LPCAT2: variants seen among roughly 807,000 people sequenced by gnomAD.
The protein encoded by LPCAT2 is 1-AGP acyltransferase 11.
A neutral mutation model predicts 64.7 loss-of-function variants in LPCAT2; 58 were observed. That is an observed-to-expected ratio of 0.90 (90% confidence interval 0.73 to 1.12). The LOEUF (loss-of-function observed/expected upper bound fraction) is 1.12. LPCAT2 is among the 50% of genes most tolerant of loss of function. LPCAT2 has a pLI of 0.00. For missense variants in LPCAT2, 579 were observed against 669.8 expected (o/e 0.86, Z 1.50); for synonymous variants, 252 against 245.3 (o/e 1.03, Z -0.26).
chr16:55,544,523 A>C (rs1963431982), intron 8 of LPCAT2, among the ~76,000 whole-genome samples: 1 of 152,184 alleles, frequency 6.6e-6, no homozygotes, highest in Non-Finnish European at 1.5e-5. Flanking sequence ...TATGGGGGAA[A>C]AATTAATGAA....
Position 55,551,105 on chromosome 16 carries a change from A to G in LPCAT2, c.1215+3A>G, listed in dbSNP as rs773107149. ...AACTTTTTGCACTCTTTGACAGGGT[A>G]TGTTAAAATTTAATCTTTCACATTT... On this transcript the variant is annotated splice_donor_region_variant and intron_variant, in intron 11 of 13. Transcript: ENST00000262134. 2 of 1,604,192 alleles carry G rather than the reference A, an allele frequency of 1.2e-6. No homozygotes were observed. The highest frequency in any genetic ancestry group is 1.7e-5 in the Admixed American group (1 of 59,016).
In LPCAT2 at chr16:55,545,787, T is replaced by A. The variant is rs1489687642; in HGVS notation, c.905T>A (p.Phe302Tyr). The A allele has an allele frequency of 6.2e-6, 10 of 1,613,160 alleles. No homozygotes were observed. Among genetic ancestry groups the A allele is most frequent in the Middle Eastern group, 1.7e-4 (1 of 6,052 alleles). The change falls in exon 9 of 14, where the codon TTT becomes TAT. Residue 302 changes from phenylalanine (F) to tyrosine (Y), a missense_variant. Phe to Tyr is a conservative substitution (Grantham distance 22). Coordinates refer to ENST00000262134, the MANE Select transcript of LPCAT2 (RefSeq NM_017839.5). ...GAAGAAAAAAATGATCCTGTCCTTT[T>A]TGCCAATAAAGTCCGGAATTTAATG... ...NDEEKNDPVL[F>Y]ANKVRNLMAE...
rs975049504 is a variant in LPCAT2 at position 55,586,205 on chromosome 16, T to C, written c.*3107T>C. 6 of 152,142 alleles carry C rather than the reference T, an allele frequency of 3.9e-5. No individual in the cohort carries two copies. Among genetic ancestry groups the C allele is most frequent in the Non-Finnish European group, 8.8e-5 (6 of 68,022 alleles). The allele number at this position is 152,142 out of a possible 1,614,324, so 9.4% of individuals were successfully genotyped here. A position where few individuals can be genotyped will look rare whatever the true frequency, so the allele number is the denominator to read the frequency against. ...ATATCACAAACTTTGGTAAATAGGA[T>C]AGTAATCTGAAGAACTTTTGCCCTT... On this transcript the variant is annotated 3_prime_UTR_variant, in exon 14 of 14. Transcript: ENST00000262134.
intron 1 of LPCAT2, among the ~76,000 whole-genome samples, chr16:55,518,772 T>C (rs1261894440): frequency 6.6e-6 from 1 of 152,154 alleles, no homozygotes; most frequent in Non-Finnish European, 1.5e-5. Context: ...TATACAAAAA[T>C]TAACTCAAAG....
intron 11 of LPCAT2, chr16:55,557,084 TATG>T (rs1164165549): frequency 6.6e-6 from 1 of 152,242 alleles, no homozygotes; most frequent in Non-Finnish European, 1.5e-5. Flanking sequence ...TACTTCTTTG[TATG>T]ATATGTCTGA....
In LPCAT2 at chr16:55,509,237, T is replaced by C; in HGVS notation, c.56T>C (p.Val19Ala). ...GCGGCCACAGTGCCAGGTGCCGGCG[T>C]CGGGAACGTGGGGCTGCGGCCGCCC... ...EVAATVPGAG[V>A]GNVGLRPPMV... The change falls in exon 1 of 14, where the codon GTC becomes GCC. Residue 19 changes from valine to alanine, a missense_variant. Coordinates refer to ENST00000262134, the MANE Select transcript of LPCAT2 (RefSeq NM_017839.5). 6.8e-7 allele frequency: 1 copy of C among 1,472,718 alleles called. No individual in the cohort carries two copies. The highest frequency in any genetic ancestry group is 9.0e-7 in the Non-Finnish European group (1 of 1,104,998). 91.2% of individuals were successfully genotyped at this position (1,472,718 alleles called of 1,614,324 possible).
At chr16:55,577,189 G>C (rs543986128) in intron 12 of LPCAT2, among the ~76,000 whole-genome samples, 17 of 152,300 alleles carry the variant, frequency 1.1e-4, no homozygotes, top group African/African-American at 4.1e-4. Context: ...GTAAGAAATG[G>C]ACTTGAAGCC....
At chr16:55,541,870 G>A (rs1339803318) in intron 8 of LPCAT2, 20 of 1,287,474 alleles carry the variant, frequency 1.6e-5, no homozygotes, top group Admixed American at 2.3e-5. Context: ...GAAGCAGCAA[G>A]CATTGTTTAA....
At chr16:55,578,802 CCAACT>C (rs1249100967) in intron 12 of LPCAT2, among the ~76,000 whole-genome samples, 1 of 152,076 alleles carries the variant, frequency 6.6e-6, no homozygotes, top group Admixed American at 6.6e-5. Context: ...GTTCTAAGAC[CCAACT>C]CAAATGTCAA....
chr16:55,537,558 C>A lies in LPCAT2; in HGVS notation c.798-20C>A. 6 of 1,601,494 alleles carry A rather than the reference C, an allele frequency of 3.7e-6. No homozygotes were observed. Among genetic ancestry groups the A allele is most frequent in the Non-Finnish European group, 4.3e-6 (5 of 1,170,580 alleles). ...ACTTGCATGACTGTATAAAGATAGA[C>A]TTTTCTTTTTTCTCTTCAGCATTCA... is the stretch of plus-strand genomic sequence containing the variant. On this transcript the variant is annotated intron_variant, in intron 7 of 13. Transcript: ENST00000262134.
chr16:55,577,448 G>A (rs1235222440), intron 12 of LPCAT2, among the ~76,000 whole-genome samples: 7 of 152,044 alleles, frequency 4.6e-5, no homozygotes, highest in African/African-American at 1.7e-4. Flanking sequence ...CTTGCAAGTG[G>A]TGTGACCTTG....
Position 55,583,190 on chromosome 16 carries a change from G to A in LPCAT2, c.*92G>A. The A allele has an allele frequency of 2.2e-6, 2 of 926,912 alleles. No individual in the cohort carries two copies. Among genetic ancestry groups the A allele is most frequent in the Non-Finnish European group, 3.1e-6 (2 of 646,652 alleles). 57.4% of individuals were successfully genotyped at this position (926,912 alleles called of 1,614,324 possible). A position where few individuals can be genotyped will look rare whatever the true frequency, so the allele number is the denominator to read the frequency against. On this transcript the variant is annotated 3_prime_UTR_variant, in exon 14 of 14. Transcript: ENST00000262134. Reference sequence around the variant, plus strand: ...ATACTTTTAATGTGTTGGTAATGATGTTTAAAATTGAAAGATTTTTAAAAC... The same window carrying A: ...ATACTTTTAATGTGTTGGTAATGATATTTAAAATTGAAAGATTTTTAAAAC...
intron 11 of LPCAT2, among the ~76,000 whole-genome samples, chr16:55,565,365 C>G (rs1039282955): frequency 3.9e-5 from 6 of 151,972 alleles, no homozygotes; most frequent in Middle Eastern, 3.4e-3. Flanking sequence ...GGTATATACC[C>G]AAAAGAATTG....
In LPCAT2 at chr16:55,565,762, C is replaced by A. The variant is rs76628545; in HGVS notation, c.1216-8869C>A. Among the ~76,000 whole-genome samples, 2,089 of 152,100 alleles carry A rather than the reference C, an allele frequency of 0.014. 115 individuals carry two copies. The East Asian group carries it at 0.18, about 13-fold the overall frequency. ...TCAGTTTTGCCAGATGAAAAAAGTT[C>A]TGAAGATAGCTGGTGGTGATGGTTT... On this transcript the variant is annotated intron_variant, in intron 11 of 13. Coordinates refer to ENST00000262134, the MANE Select transcript of LPCAT2 (RefSeq NM_017839.5).
intron 9 of LPCAT2, 106 bp from the exon 10 acceptor site, chr16:55,549,171 A>C: frequency 1.2e-6 from 1 of 855,772 alleles, no homozygotes; most frequent in Non-Finnish European, 1.8e-6. Context: ...AAAGTAGTAA[A>C]TACTTTTTCA....
At chr16:55,582,163 T>C (rs1963893768) in intron 13 of LPCAT2, among the ~76,000 whole-genome samples, 1 of 152,218 alleles carries the variant, frequency 6.6e-6, no homozygotes, top group Non-Finnish European at 1.5e-5. Context: ...AACGAAGTTT[T>C]ATAAAGTGAA....
chr16:55,574,126 T>C (rs1963801189), intron 11 of LPCAT2, among the ~76,000 whole-genome samples: 1 of 152,226 alleles, frequency 6.6e-6, no homozygotes, highest in Admixed American at 6.5e-5. Flanking sequence ...CCTGGTTTAC[T>C]ATAGATTAAG....
intron 1 of LPCAT2, among the ~76,000 whole-genome samples, chr16:55,519,153 G>A (rs575189691): frequency 6.6e-6 from 1 of 152,176 alleles, no homozygotes; most frequent in Non-Finnish European, 1.5e-5. Flanking sequence ...AAGGGAAAAT[G>A]AAGACATTTT....
At chr16:55,515,528 G>A (rs1432500822) in intron 1 of LPCAT2, among the ~76,000 whole-genome samples, 1 of 152,158 alleles carries the variant, frequency 6.6e-6, no homozygotes, top group South Asian at 2.1e-4. Flanking sequence ...TTCACATGAA[G>A]AAATAATCAG....
Sources: allele counts gnomAD v4.1 joint callset (sites outside exome capture counted in the v4.1 genomes callset), GRCh38; gene constraint gnomAD v4.1.1; transcripts MANE v1.5; gene names NCBI Gene and HGNC (gene_info 2026-07-23, HGNC 2026-07-21).